Variants in C1D observed in about 807,000 individuals in gnomAD.
C1D encodes the protein nuclear nucleic acid-binding protein C1D.
A neutral mutation model predicts 17.5 loss-of-function variants in C1D; 10 were observed. That is an observed-to-expected ratio of 0.57 (90% CI 0.35 to 0.97). The LOEUF is 0.97. C1D is among the 50% of genes least tolerant of loss of function. The pLI is 0.01. For synonymous variants in C1D, 49 were observed against 54.0 expected (o/e 0.91, Z 0.40); for missense variants, 136 against 160.1 (o/e 0.85, Z 0.81).
In C1D at chr2:68,041,980, C is replaced by T. The variant is rs1303837740; in HGVS notation, c.*909G>A. 1.3e-5 allele frequency: 2 copies of T among 151,886 alleles called. No individual in the cohort carries two copies. Among genetic ancestry groups the T allele is most frequent in the Non-Finnish European group, 2.9e-5 (2 of 67,866 alleles). The allele number at this position is 151,886 out of a possible 1,614,324, so 9.4% of individuals were successfully genotyped here. A position where few individuals can be genotyped will look rare whatever the true frequency, so the allele number is the denominator to read the frequency against. On this transcript the variant is annotated 3_prime_UTR_variant, in exon 5 of 5. Coordinates refer to ENST00000410067, the MANE Select transcript of C1D (RefSeq NM_173177.3). ...TTGGACTTCTCATCTGCTTAAGTGG[C>T]ATTAGGTAACTTAAGAAGTTGTTCC...
At chr2:68,054,647 C>T (rs58825381) in intron 1 of C1D, among the ~76,000 whole-genome samples, 17,699 of 152,016 alleles carry the variant, frequency 0.12, 1,165 homozygotes, top group South Asian at 0.21. Flanking sequence ...GGGCTACAGC[C>T]AAACCAAGTT....
chr2:68,047,412 TC>T, intron 1 of C1D, 93 bp from the exon 2 acceptor site: 2 of 894,946 alleles, frequency 2.2e-6, no homozygotes, highest in South Asian at 4.5e-5. Flanking sequence ...ATCATGTATT[TC>T]AAAGGCACTA....
intron 4 of C1D, 150 bp downstream of exon 4, chr2:68,045,838 G>GA (rs1159784592): frequency 2.9e-3 from 1,517 of 530,426 alleles, no homozygotes; most frequent in South Asian, 3.9e-3. Flanking sequence ...AAAGGTAAGA[G>GA]AAAAAAAAAC....
intron 2 of C1D, 65 bp downstream of exon 2, chr2:68,047,108 A>G (rs1671148544): frequency 7.0e-7 from 1 of 1,428,216 alleles, no homozygotes; most frequent in Non-Finnish European, 9.6e-7. Context: ...CTTCTTCCAC[A>G]TGTTTCATAA....
intron 1 of C1D, among the ~76,000 whole-genome samples, chr2:68,062,627 T>C (rs1359038048): frequency 6.6e-6 from 1 of 152,186 alleles, no homozygotes; most frequent in Non-Finnish European, 1.5e-5. Context: ...TCAATGTTTT[T>C]TGATTTTTGT....
At position 68,062,987 on chromosome 2, in the gene C1D, A is replaced by T. The variant is rs1474595540; in HGVS notation, c.-39T>A. On this transcript the variant is annotated 5_prime_UTR_variant, in exon 1 of 5. Transcript: ENST00000410067. ...CGGCCTTCGACTCCAGTCTCCCGGAAAGCGGTCGGGCAACGATGACGACAA... is the reference window on the plus strand; with the variant it reads ...CGGCCTTCGACTCCAGTCTCCCGGATAGCGGTCGGGCAACGATGACGACAA... The T allele has an allele frequency of 1.3e-5, 2 of 152,262 alleles. No individual in the cohort carries two copies. Among genetic ancestry groups the T allele is most frequent in the African/African-American group, 2.4e-5 (1 of 41,458 alleles). The allele number at this position is 152,262 out of a possible 1,614,324, so 9.4% of individuals were successfully genotyped here.
At chr2:68,043,710 C>T (rs911732590) in intron 4 of C1D, among the ~76,000 whole-genome samples, 4 of 152,234 alleles carry the variant, frequency 2.6e-5, no homozygotes, top group Middle Eastern at 3.4e-3. Flanking sequence ...GGCTATCTTA[C>T]GCTTCAAATG....
intron 1 of C1D, among the ~76,000 whole-genome samples, chr2:68,051,124 T>C (rs768759636): frequency 7.9e-5 from 12 of 152,216 alleles, no homozygotes; most frequent in South Asian, 4.1e-4. Flanking sequence ...AAGTCTATTA[T>C]CAAGAATACA....
At position 68,060,856 on chromosome 2, in the gene C1D, C is replaced by T. The variant is rs142957999; in HGVS notation, c.-10+2102G>A. Among the ~76,000 whole-genome samples the T allele has an allele frequency of 1.1e-3, 163 of 152,304 alleles. 1 individual carries two copies. Among genetic ancestry groups the T allele is most frequent in the Non-Finnish European group, 1.4e-3 (98 of 68,022 alleles). On this transcript the variant is annotated intron_variant, in intron 1 of 4. Transcript: ENST00000410067. ...GATTCATGTCGAGGCACATTTTGAA[C>T]TCCACATCACTAACATAATGTCTTG...
At chr2:68,046,093 A>T in intron 3 of C1D, 50 bp from the exon 4 acceptor site, 3 of 1,268,670 alleles carry the variant, frequency 2.4e-6, no homozygotes, top group Non-Finnish European at 3.3e-6. Flanking sequence ...ATTAATTTAA[A>T]ACATTCCAAT....
intron 1 of C1D, among the ~76,000 whole-genome samples, chr2:68,050,850 C>T (rs1325298885): frequency 2.0e-5 from 3 of 152,356 alleles, no homozygotes; most frequent in East Asian, 1.9e-4. Context: ...TCAAACAGAA[C>T]GTGCCCAAAG....
intron 1 of C1D, among the ~76,000 whole-genome samples, chr2:68,050,675 G>A (rs985718959): frequency 6.6e-6 from 1 of 152,078 alleles, no homozygotes; most frequent in Admixed American, 6.6e-5. Context: ...GGCTGTTCCT[G>A]ACTCTCTTCT....
chr2:68,050,264 A>C (rs1370719859), intron 1 of C1D, among the ~76,000 whole-genome samples: 1 of 152,056 alleles, frequency 6.6e-6, no homozygotes, highest in Non-Finnish European at 1.5e-5. Context: ...ATTACCCATA[A>C]GTTTAAATGT....
chr2:68,054,120 A>G (rs982447418), intron 1 of C1D, among the ~76,000 whole-genome samples: 1 of 152,176 alleles, frequency 6.6e-6, no homozygotes, highest in Non-Finnish European at 1.5e-5. Flanking sequence ...AATTTGCCCA[A>G]GACAGTTCCA....
Position 68,047,155 on chromosome 2 carries a change from A to G in C1D, c.138+18T>C. Reference sequence around the variant, plus strand: ...GTTTTATGAAATTCATTTTTAGGAAATTACATTTTTAAAATACCTTCTGCA... The same window carrying G: ...GTTTTATGAAATTCATTTTTAGGAAGTTACATTTTTAAAATACCTTCTGCA... On this transcript the variant is annotated intron_variant, in intron 2 of 4. Transcript: ENST00000410067. 6.3e-7 allele frequency: 1 copy of G among 1,589,708 alleles called. No individual in the cohort carries two copies. Among genetic ancestry groups the G allele is most frequent in the Non-Finnish European group, 8.5e-7 (1 of 1,171,354 alleles).
rs1342682400 is a variant in C1D, at chr2:68,042,376, C to T, written c.*513G>A. 3 of 152,614 alleles carry T rather than the reference C, an allele frequency of 2.0e-5. 1 individual carries two copies. Among genetic ancestry groups the T allele is most frequent in the African/African-American group, 7.2e-5 (3 of 41,436 alleles). 9.5% of individuals were successfully genotyped at this position (152,614 alleles called of 1,614,324 possible). ...ACAACCATAAAGTTTTAGTTTCACA[C>T]TTTGAATATCAACAAAGCAGTAATT... On this transcript the variant is annotated 3_prime_UTR_variant, in exon 5 of 5. Transcript: ENST00000410067.
chr2:68,058,974 CT>C (rs1169994938), intron 1 of C1D, among the ~76,000 whole-genome samples: 1 of 152,194 alleles, frequency 6.6e-6, no homozygotes, highest in African/African-American at 2.4e-5. Flanking sequence ...TCCTTTCCCT[CT>C]ACTTGGAATA....
At chr2:68,052,920 T>C (rs2103807186) in intron 1 of C1D, 1 of 1,150,632 alleles carries the variant, frequency 8.7e-7, no homozygotes, top group African/African-American at 1.6e-5. Context: ...ATAGCACTGA[T>C]TATGTGCCAG....
chr2:68,044,999 A>G (rs754376168), intron 4 of C1D, among the ~76,000 whole-genome samples: 51 of 152,340 alleles, frequency 3.3e-4, no homozygotes, highest in African/African-American at 1.2e-3. Flanking sequence ...CAAGACCTGC[A>G]TATCATATTG....
Sources: allele counts gnomAD v4.1 joint callset (sites outside exome capture counted in the v4.1 genomes callset), GRCh38; gene constraint gnomAD v4.1.1; transcripts MANE v1.5; gene names NCBI Gene and HGNC (gene_info 2026-07-23, HGNC 2026-07-21).